MAGI2: variants seen among roughly 807,000 people sequenced by gnomAD.
The protein encoded by MAGI2 is membrane-associated guanylate kinase, WW and PDZ domain-containing protein 2.
MAGI2 carries 35 observed loss-of-function variants against 133.3 expected under a neutral mutation model. The ratio of observed to expected loss-of-function variants is 0.26; its 90% CI spans 0.20 to 0.35. The LOEUF is 0.35. Among genes scored for constraint, MAGI2 ranks in the 10% least tolerant of loss-of-function variants. The pLI, the probability that MAGI2 is intolerant of heterozygous loss-of-function variation, is 1.00. For synonymous variants in MAGI2, 729 were observed against 710.6 expected, an observed-to-expected ratio of 1.03 and a Z score of -0.41; for missense variants, 1,636 against 1,863.4, an observed-to-expected ratio of 0.88 and a Z score of 2.25.
At chr7:78,648,158 C>G (rs764902787) in intron 2 of MAGI2, among the ~76,000 whole-genome samples, 1 of 152,048 alleles carries the variant, frequency 6.6e-6, no homozygotes, top group Non-Finnish European at 1.5e-5. Flanking sequence ...AAAAATTACA[C>G]TACAAAATTT....
At chr7:78,594,752 G>A (rs1447467239) in intron 3 of MAGI2, among the ~76,000 whole-genome samples, 11 of 152,046 alleles carry the variant, frequency 7.2e-5, no homozygotes, top group Admixed American at 2.0e-4. Flanking sequence ...CACTACGTCC[G>A]GCCAGCAAAG....
chr7:79,434,457 A>C (rs1321350165), intron 1 of MAGI2, among the ~76,000 whole-genome samples: 5 of 152,356 alleles, frequency 3.3e-5, no homozygotes, highest in Non-Finnish European at 7.3e-5. Context: ...AATTTAGATG[A>C]GTTATGAGCA....
intron 3 of MAGI2, among the ~76,000 whole-genome samples, chr7:78,530,428 T>C (rs559153629): frequency 2.7e-4 from 41 of 152,302 alleles, no homozygotes; most frequent in African/African-American, 9.4e-4. Context: ...GGATAGAAGG[T>C]AAACAAAAAA....
chr7:79,276,409 T>A (rs919508082), intron 1 of MAGI2, among the ~76,000 whole-genome samples: 1 of 152,178 alleles, frequency 6.6e-6, no homozygotes, highest in Non-Finnish European at 1.5e-5. Context: ...CTGGCAGCCA[T>A]CAATTTTGAT....
At chr7:78,900,866 GATAA>G (rs1402456857) in intron 2 of MAGI2, among the ~76,000 whole-genome samples, 1 of 152,108 alleles carries the variant, frequency 6.6e-6, no homozygotes, top group Non-Finnish European at 1.5e-5. Flanking sequence ...TTGTTGTGTA[GATAA>G]ATAAATAGGT....
intron 2 of MAGI2, among the ~76,000 whole-genome samples, chr7:78,830,881 A>G (rs1791084184): frequency 6.6e-6 from 1 of 152,180 alleles, no homozygotes; most frequent in Middle Eastern, 3.2e-3. Context: ...AGACTTGAAT[A>G]TTACGTACAC....
At chr7:78,988,741 C>T (rs559594794) in intron 2 of MAGI2, among the ~76,000 whole-genome samples, 14 of 152,172 alleles carry the variant, frequency 9.2e-5, no homozygotes, top group South Asian at 2.1e-4. Flanking sequence ...AACTGACCAC[C>T]GTGTAATCAC....
At chr7:78,526,737 C>T (rs544672730) in intron 3 of MAGI2, among the ~76,000 whole-genome samples, 3 of 151,950 alleles carry the variant, frequency 2.0e-5, no homozygotes, top group African/African-American at 7.2e-5. Flanking sequence ...TGGCCGGGTG[C>T]CGTGGCTCAC....
At chr7:78,908,544 A>T (rs950303148) in intron 2 of MAGI2, among the ~76,000 whole-genome samples, 1 of 152,220 alleles carries the variant, frequency 6.6e-6, no homozygotes, top group Non-Finnish European at 1.5e-5. Context: ...AAGGGTGAGA[A>T]ATTCATTACA....
intron 10 of MAGI2, among the ~76,000 whole-genome samples, chr7:78,249,632 T>C (rs994494907): frequency 6.6e-6 from 1 of 152,078 alleles, no homozygotes; most frequent in African/African-American, 2.4e-5. Context: ...ACGATCTCAC[T>C]TATATGCAGA....
intron 1 of MAGI2, among the ~76,000 whole-genome samples, chr7:79,136,009 GAA>G (rs1562928832): frequency 2.0e-4 from 23 of 115,688 alleles, no homozygotes; most frequent in African/African-American, 3.6e-4. Context: ...GAAAGAGAAA[GAA>G]AGAAAGAAAG....
In MAGI2 at chr7:78,577,299, C is replaced by T. The variant is rs374198149; in HGVS notation, c.538+49821G>A. On this transcript the variant is annotated intron_variant, in intron 3 of 21. Coordinates refer to ENST00000354212, the MANE Select transcript of MAGI2 (RefSeq NM_012301.4). ...AAGCCATAAATATGAAAATTCATATCTCTGTTCAAAAATGAAAACAACAAC... is the reference window on the plus strand; with the variant it reads ...AAGCCATAAATATGAAAATTCATATTTCTGTTCAAAAATGAAAACAACAAC... Among the ~76,000 whole-genome samples, 3 of 152,048 alleles carry T rather than the reference C, an allele frequency of 2.0e-5. No individual in the cohort carries two copies. The South Asian group carries it at 6.2e-4, about 32-fold the overall frequency.
chr7:78,081,750 C>T lies in MAGI2; in HGVS notation c.3568-2665G>A, dbSNP rs565450704. 7.9e-5 allele frequency among the ~76,000 whole-genome samples: 12 copies of T among 152,200 alleles called. No individual in the cohort carries two copies. The South Asian group carries it at 1.7e-3, about 21-fold the overall frequency. Reference sequence around the variant, plus strand: ...AAAGTTAAGCATGGGGTAACCTGACCGGGGAAGCTGAGTGGTGGTTAGAAA... The same window carrying T: ...AAAGTTAAGCATGGGGTAACCTGACTGGGGAAGCTGAGTGGTGGTTAGAAA... On this transcript the variant is annotated intron_variant, in intron 20 of 21. Transcript: ENST00000354212.
intron 1 of MAGI2, among the ~76,000 whole-genome samples, chr7:79,173,570 G>A (rs925193333): frequency 2.6e-5 from 4 of 151,996 alleles, no homozygotes; most frequent in African/African-American, 9.7e-5. Flanking sequence ...GTCCTTAAGT[G>A]ATCCTCCAGC....
intron 2 of MAGI2, among the ~76,000 whole-genome samples, chr7:78,712,840 T>C (rs1421696992): frequency 6.6e-6 from 1 of 152,116 alleles, no homozygotes; most frequent in East Asian, 1.9e-4. Context: ...AATCGAAGAA[T>C]TTAAATCTTC....
At chr7:79,004,171 G>A (rs1431680136) in intron 2 of MAGI2, among the ~76,000 whole-genome samples, 1 of 152,150 alleles carries the variant, frequency 6.6e-6, no homozygotes, top group Non-Finnish European at 1.5e-5. Flanking sequence ...GTTGATTGCA[G>A]CACTATTTAC....
rs544198546 is a variant in MAGI2, at chr7:78,944,996, C to T, written c.418+62094G>A. Reference sequence around the variant, plus strand: ...TCAGGCGATCTGTCCGTCTTGGCTTCCCAAAGTGCTGGATTTACAGGCATG... The same window carrying T: ...TCAGGCGATCTGTCCGTCTTGGCTTTCCAAAGTGCTGGATTTACAGGCATG... On this transcript the variant is annotated intron_variant, in intron 2 of 21. Transcript: ENST00000354212. 2.0e-5 allele frequency among the ~76,000 whole-genome samples: 3 copies of T among 152,122 alleles called. No homozygotes were observed. In the South Asian group the frequency reaches 6.2e-4, roughly 32 times the overall value.
At chr7:79,036,197 A>G (rs995336691) in intron 1 of MAGI2, among the ~76,000 whole-genome samples, 16 of 152,214 alleles carry the variant, frequency 1.1e-4, no homozygotes, top group South Asian at 2.1e-4. Context: ...ACTTTCACGG[A>G]TAGCATCTCA....
chr7:79,032,990 A>G (rs1242661155), intron 1 of MAGI2, among the ~76,000 whole-genome samples: 3 of 152,132 alleles, frequency 2.0e-5, no homozygotes, highest in Non-Finnish European at 4.4e-5. Flanking sequence ...ATTCATTGAT[A>G]AGTACATGAG....
Sources: allele counts gnomAD v4.1 joint callset (sites outside exome capture counted in the v4.1 genomes callset), GRCh38; gene constraint gnomAD v4.1.1; transcripts MANE v1.5; gene names NCBI Gene and HGNC (gene_info 2026-07-23, HGNC 2026-07-21).